Variants in UNC13C observed in about 807,000 individuals in gnomAD.
UNC13C encodes the protein unc-13 homolog C.
Under a neutral mutation model 245.4 loss-of-function variants are expected in UNC13C, and 174 were observed. The ratio of observed to expected loss-of-function variants is 0.71; its 90% CI spans 0.63 to 0.80. UNC13C has a LOEUF of 0.80. UNC13C is among the 30% of genes least tolerant of loss of function. UNC13C has a pLI of 0.00. For missense variants in UNC13C, 2,829 were observed against 2,602.9 expected (o/e 1.09, Z -1.89); for synonymous variants, 992 against 895.1 (o/e 1.11, Z -1.93).
At chr15:54,611,364 A>AATCT (rs1440196114) in intron 30 of UNC13C, 1 of 152,102 alleles carries the variant, frequency 6.6e-6, no homozygotes, top group Non-Finnish European at 1.5e-5. Context: ...AACAGGATGC[A>AATCT]ATCTGAAAAA....
intron 4 of UNC13C, among the ~76,000 whole-genome samples, chr15:54,158,507 G>C (rs1337179453): frequency 1.3e-5 from 2 of 152,002 alleles, no homozygotes; most frequent in African/African-American, 4.8e-5. Flanking sequence ...TTTTAGTAGA[G>C]ACGGGATTTC....
the UNC13C span, among the ~76,000 whole-genome samples, chr15:53,919,201 C>T: frequency 7.2e-5 from 11 of 152,046 alleles, no homozygotes; most frequent in East Asian, 1.9e-4. Flanking sequence ...GGGCAGGTTA[C>T]GTAATAATTA....
At chr15:53,958,128 G>A in the UNC13C span, among the ~76,000 whole-genome samples, 1 of 152,162 alleles carries the variant, frequency 6.6e-6, no homozygotes, top group South Asian at 2.1e-4. Context: ...TACTTAAAGA[G>A]AGCTGCAGAT....
At chr15:53,985,762 T>G (rs1426953011) in intron 1 of UNC13C, among the ~76,000 whole-genome samples, 1 of 152,092 alleles carries the variant, frequency 6.6e-6, no homozygotes, top group Non-Finnish European at 1.5e-5. Context: ...GTCAACTCAC[T>G]GTGGCGTTTG....
At chr15:53,856,415 A>T in the UNC13C span, among the ~76,000 whole-genome samples, 4 of 151,560 alleles carry the variant, frequency 2.6e-5, no homozygotes, top group Admixed American at 1.3e-4. Context: ...TTAACTTGAG[A>T]TCTTTCTAGC....
At chr15:54,424,320 G>A (rs1478823180) in intron 19 of UNC13C, among the ~76,000 whole-genome samples, 1 of 151,870 alleles carries the variant, frequency 6.6e-6, no homozygotes, top group Non-Finnish European at 1.5e-5. Context: ...AAGAAACTTG[G>A]GAAGGAGGTA....
intron 4 of UNC13C, among the ~76,000 whole-genome samples, chr15:54,228,175 G>A (rs147133113): frequency 2.0e-3 from 306 of 152,136 alleles, no homozygotes; most frequent in African/African-American, 6.8e-3. Context: ...TACAGTCAGC[G>A]TTCATTCAAG....
intron 10 of UNC13C, among the ~76,000 whole-genome samples, chr15:54,287,805 T>C (rs921636044): frequency 4.6e-5 from 7 of 152,326 alleles, no homozygotes; most frequent in South Asian, 2.1e-4. Flanking sequence ...AGTGTACTTA[T>C]AGCATCTGCC....
intron 19 of UNC13C, among the ~76,000 whole-genome samples, chr15:54,480,019 C>T (rs188719128): frequency 6.6e-6 from 1 of 152,220 alleles, no homozygotes; most frequent in Non-Finnish European, 1.5e-5. Context: ...GGCCTGTAAG[C>T]TTTCTGCTGA....
At chr15:54,436,486 A>G (rs1187509976) in intron 19 of UNC13C, among the ~76,000 whole-genome samples, 2 of 151,998 alleles carry the variant, frequency 1.3e-5, no homozygotes, top group Non-Finnish European at 2.9e-5. Context: ...TGCAGCCATA[A>G]AAAAGGATGA....
intron 17 of UNC13C, among the ~76,000 whole-genome samples, chr15:54,356,286 T>C (rs1227273332): frequency 6.6e-6 from 1 of 152,216 alleles, no homozygotes; most frequent in African/African-American, 2.4e-5. Context: ...AGATTGGGAA[T>C]TTTAGTAGAT....
chr15:54,129,011 G>C (rs969518711), intron 2 of UNC13C, among the ~76,000 whole-genome samples: 2 of 152,182 alleles, frequency 1.3e-5, no homozygotes, highest in Non-Finnish European at 2.9e-5. Flanking sequence ...CATCACTGCT[G>C]CTTCTTTTGG....
At chr15:53,899,586 C>T in the UNC13C span, among the ~76,000 whole-genome samples, 1 of 151,124 alleles carries the variant, frequency 6.6e-6, no homozygotes, top group Admixed American at 6.6e-5. Flanking sequence ...AAACCAGTCT[C>T]TCTACTTTTT....
At chr15:54,310,538 A>C (rs1164326914) in intron 13 of UNC13C, among the ~76,000 whole-genome samples, 1 of 151,854 alleles carries the variant, frequency 6.6e-6, no homozygotes, top group Non-Finnish European at 1.5e-5. Flanking sequence ...TATATTCAGA[A>C]AGGCATAGCA....
At chr15:54,179,952 C>A (rs2033742172) in intron 4 of UNC13C, among the ~76,000 whole-genome samples, 1 of 152,008 alleles carries the variant, frequency 6.6e-6, no homozygotes, top group Non-Finnish European at 1.5e-5. Flanking sequence ...CCAATAGTAA[C>A]TGTGAAAGAC....
At chr15:54,550,571 G>C (rs1041045307) in intron 28 of UNC13C, among the ~76,000 whole-genome samples, 13 of 151,936 alleles carry the variant, frequency 8.6e-5, no homozygotes, top group South Asian at 2.1e-4. Context: ...TATTTACTGA[G>C]GTAAAATATG....
downstream of UNC13C, chr15:54,630,535 G>A (rs1002421022): frequency 6.6e-5 from 10 of 152,130 alleles, no homozygotes; most frequent in Middle Eastern, 3.4e-3. Context: ...ACTTATACAT[G>A]ACTCAGGGAA....
chr15:54,145,362 A>C (rs1452373357), intron 4 of UNC13C, among the ~76,000 whole-genome samples: 1 of 152,280 alleles, frequency 6.6e-6, no homozygotes, highest in East Asian at 1.9e-4. Context: ...CCTACAAATT[A>C]ATATATATGT....
At chr15:54,289,345 A>C (rs920702740) in intron 10 of UNC13C, among the ~76,000 whole-genome samples, 2 of 152,096 alleles carry the variant, frequency 1.3e-5, no homozygotes, top group African/African-American at 4.8e-5. Flanking sequence ...CTAATAAAAA[A>C]GCTTCAGGTG....
Sources: gnomAD v4.1 joint callset for allele counts (sites outside exome capture counted in the v4.1 genomes callset) on GRCh38, gnomAD v4.1.1 for gene constraint, MANE v1.5 for transcripts, NCBI Gene and HGNC (gene_info 2026-07-23, HGNC 2026-07-21) for gene names.